The following BRINP3 variants were observed in gnomAD, a reference collection of about 807,000 sequenced individuals.
BRINP3 encodes BMP/retinoic acid inducible neural specific 3, also known as BMP/retinoic acid-inducible neural-specific protein 3.
A neutral mutation model predicts 71.0 loss-of-function variants in BRINP3; 19 were observed. The ratio of observed to expected loss-of-function variants is 0.27; its 90% confidence interval spans 0.19 to 0.39. The LOEUF (loss-of-function observed/expected upper bound fraction) is 0.39. Among genes scored for constraint, BRINP3 ranks in the 10% least tolerant of loss-of-function variants. BRINP3 has a pLI of 1.00. For missense variants in BRINP3, 959 were observed against 940.8 expected, an observed-to-expected ratio of 1.02 and a Z score of -0.25; for synonymous variants, 380 against 337.7, an observed-to-expected ratio of 1.13 and a Z score of -1.37.
intron 6 of BRINP3, among the ~76,000 whole-genome samples, chr1:190,163,877 A>G (rs1485871261): frequency 6.6e-6 from 1 of 152,116 alleles, no homozygotes; most frequent in Non-Finnish European, 1.5e-5. Context: ...ATAAATATTA[A>G]TTCAATTATT....
At chr1:190,433,589 C>T (rs965039624) in intron 2 of BRINP3, among the ~76,000 whole-genome samples, 4 of 152,028 alleles carry the variant, frequency 2.6e-5, no homozygotes, top group Admixed American at 6.6e-5. Flanking sequence ...CTTTTTAGAC[C>T]CATTTCTATT....
intron 2 of BRINP3, among the ~76,000 whole-genome samples, chr1:190,319,906 G>A (rs149329955): frequency 5.9e-5 from 9 of 152,018 alleles, no homozygotes; most frequent in African/African-American, 2.2e-4. Flanking sequence ...TTGACGCCTA[G>A]CACTAAATCT....
In BRINP3 at chr1:190,139,819, G is replaced by C. The variant is rs78125370; in HGVS notation, c.1184+20849C>G. On this transcript the variant is annotated intron_variant, in intron 7 of 7. Coordinates refer to ENST00000367462, the MANE Select transcript of BRINP3 (RefSeq NM_199051.3). ...AGTGTTACCTTTCTCATGTTTGTAG[G>C]CCCAATATTATATCTATGGTAAACA... Among the ~76,000 whole-genome samples the C allele has an allele frequency of 2.6e-3, 396 of 152,196 alleles. 3 individuals are homozygous for C. The highest frequency in any genetic ancestry group is 9.0e-3 in the African/African-American group (373 of 41,544).
In BRINP3 at chr1:190,098,758, G is replaced by A. The variant is rs963376986; in HGVS notation, c.1561C>T (p.Leu521Phe). 1.2e-6 allele frequency: 2 copies of A among 1,614,086 alleles called. No individual in the cohort carries two copies. The highest frequency in any genetic ancestry group is 1.3e-5 in the African/African-American group (1 of 74,938). ...HAIFISNDMR[L>F]NSWFDPSWRK... The stretch of plus-strand genomic sequence containing the variant: ...CAGGAGGGATCAAACCAGCTATTGA[G>A]GCGCATGTCATTGCTGATAAAAATG... The change falls in exon 8 of 8, where the codon CTC becomes TTC. Residue 521 changes from leucine to phenylalanine, a missense_variant. Physicochemically the swap from Leu to Phe is conservative, Grantham distance 22. Transcript: ENST00000367462.
chr1:190,148,654 C>A (rs370415907), intron 7 of BRINP3, among the ~76,000 whole-genome samples: 4 of 147,492 alleles, frequency 2.7e-5, no homozygotes, highest in Non-Finnish European at 6.0e-5. Context: ...TAAATAAATT[C>A]TATCTCCTCA....
At chr1:190,232,142 A>G (rs534408224) in intron 5 of BRINP3, among the ~76,000 whole-genome samples, 27 of 152,110 alleles carry the variant, frequency 1.8e-4, no homozygotes, top group Non-Finnish European at 2.2e-4. Context: ...CTATACCTAT[A>G]TCCATCCATT....
At chr1:190,145,236 C>A (rs188731066) in intron 7 of BRINP3, among the ~76,000 whole-genome samples, 246 of 152,114 alleles carry the variant, frequency 1.6e-3, no homozygotes, top group Non-Finnish European at 2.7e-3. Flanking sequence ...GTTTATTTGT[C>A]CAATGAAATA....
At chr1:190,401,045 C>T (rs1671884105) in intron 2 of BRINP3, among the ~76,000 whole-genome samples, 2 of 152,090 alleles carry the variant, frequency 1.3e-5, no homozygotes, top group Admixed American at 1.3e-4. Context: ...GAAAGCCTAG[C>T]TGAGGACAAA....
intron 2 of BRINP3, among the ~76,000 whole-genome samples, chr1:190,429,686 G>C (rs922660700): frequency 3.3e-5 from 5 of 151,242 alleles, no homozygotes; most frequent in Admixed American, 2.6e-4. Flanking sequence ...CATCTCCTGG[G>C]TTCAAACGAT....
intron 2 of BRINP3, among the ~76,000 whole-genome samples, chr1:190,349,403 A>T (rs1668228796): frequency 6.6e-6 from 1 of 152,082 alleles, no homozygotes; most frequent in Non-Finnish European, 1.5e-5. Flanking sequence ...TAAAATGTTA[A>T]TTTTTTGAAG....
At chr1:190,452,844 G>A (rs1273711369) in intron 2 of BRINP3, among the ~76,000 whole-genome samples, 2 of 152,082 alleles carry the variant, frequency 1.3e-5, no homozygotes, top group Non-Finnish European at 2.9e-5. Context: ...GTGGCAGAAC[G>A]AGACTCCGTC....
chr1:190,408,795 A>G (rs575856405), intron 2 of BRINP3, among the ~76,000 whole-genome samples: 1 of 152,340 alleles, frequency 6.6e-6, no homozygotes, highest in Non-Finnish European at 1.5e-5. Flanking sequence ...ATCAACCACC[A>G]AGTATTAAGC....
chr1:190,365,718 TATA>T (rs1033736599), intron 2 of BRINP3, among the ~76,000 whole-genome samples: 3 of 146,006 alleles, frequency 2.1e-5, no homozygotes, highest in African/African-American at 7.4e-5. Flanking sequence ...ATAATAGTGC[TATA>T]ATATTAAATG....
At chr1:190,312,036 AATATATATATATATAT>A (rs1180367434) in intron 2 of BRINP3, among the ~76,000 whole-genome samples, 1,278 of 68,324 alleles carry the variant, frequency 0.019, 17 homozygotes, top group African/African-American at 0.034. Context: ...TGAAAAGTCA[AATATATATATATATAT>A]ATATATATAT....
intron 4 of BRINP3, among the ~76,000 whole-genome samples, chr1:190,255,669 C>T (rs1297725476): frequency 6.6e-6 from 1 of 151,912 alleles, no homozygotes; most frequent in Non-Finnish European, 1.5e-5. Context: ...TTATTCTTCT[C>T]TTTTCTTCTT....
Position 190,098,657 on chromosome 1 carries a change from A to C in BRINP3, c.1662T>G (p.Ser554=), listed in dbSNP as rs200937032. 5 of 1,614,080 alleles carry C rather than the reference A, an allele frequency of 3.1e-6. No individual in the cohort carries two copies. Among genetic ancestry groups the C allele is most frequent in the Non-Finnish European group, 4.2e-6 (5 of 1,180,038 alleles). ...TGTTTTTAGTTAAGCAAATCTGTAA[A>C]GAGAGACCCAAAATCATATGGACCA... ...SSLVHMILGL[S]LQICLTKNST... Residue 554 remains serine (S), a synonymous_variant, in exon 8 of 8, where the codon TCT becomes TCG. Coordinates refer to ENST00000367462, the MANE Select transcript of BRINP3 (RefSeq NM_199051.3).
At chr1:190,451,826 G>A (rs1187663948) in intron 2 of BRINP3, among the ~76,000 whole-genome samples, 1 of 152,078 alleles carries the variant, frequency 6.6e-6, no homozygotes, top group East Asian at 1.9e-4. Flanking sequence ...TGTCCTTGCC[G>A]TTCTATATTT....
At chr1:190,225,191 C>T (rs2102698602) in intron 6 of BRINP3, among the ~76,000 whole-genome samples, 1 of 152,088 alleles carries the variant, frequency 6.6e-6, no homozygotes, top group Admixed American at 6.6e-5. Flanking sequence ...TATTGCAGCA[C>T]TATTCCCAAT....
At chr1:190,427,862 G>GTTT (rs35384279) in intron 2 of BRINP3, among the ~76,000 whole-genome samples, 1 of 140,948 alleles carries the variant, frequency 7.1e-6, no homozygotes, top group Non-Finnish European at 1.6e-5. Context: ...TATGCATTAG[G>GTTT]TTTTTTTTTT....
Sources: gnomAD v4.1 joint callset for allele counts (sites outside exome capture counted in the v4.1 genomes callset) on GRCh38, gnomAD v4.1.1 for gene constraint, MANE v1.5 for transcripts, NCBI Gene and HGNC (gene_info 2026-07-23, HGNC 2026-07-21) for gene names.